The following KYAT1 variants were observed in gnomAD, a reference collection of about 807,000 sequenced individuals.
KYAT1 encodes the protein kynurenine aminotransferase 1.
Under a neutral mutation model 52.4 loss-of-function variants are expected in KYAT1, and 47 were observed. The ratio of observed to expected loss-of-function variants is 0.90; its 90% CI spans 0.71 to 1.14. The LOEUF (loss-of-function observed/expected upper bound fraction) is 1.14, where lower values mean the gene tolerates loss of function less well. Ranked by LOEUF, KYAT1 falls within the 50% of genes most tolerant of loss-of-function variation. The probability of loss-of-function intolerance (pLI) is 0.00; values close to 1 mark genes in which losing one functional copy is unlikely to be tolerated. For synonymous variants in KYAT1, 212 were observed against 209.6 expected, an observed-to-expected ratio of 1.01 and a Z score of -0.10; for missense variants, 480 against 557.9, an observed-to-expected ratio of 0.86 and a Z score of 1.41.
At chr9:128,835,250 CTTGCCTGG>C in intron 11 of KYAT1, 65 bp downstream of exon 11, 1 of 1,298,158 alleles carries the variant, frequency 7.7e-7, no homozygotes, top group Non-Finnish European at 1.1e-6. Context: ...CCAGGAGCCT[CTTGCCTGG>C]GCACCCTTGA....
intron 1 of KYAT1, chr9:128,846,931 A>C (rs1756657555): frequency 8.2e-5 from 107 of 1,309,454 alleles, no homozygotes; most frequent in Non-Finnish European, 9.5e-5. Flanking sequence ...CTGCACTCTC[A>C]CTAGAGGTGC....
intron 2 of KYAT1, 143 bp downstream of exon 2, chr9:128,845,210 C>A: frequency 1.5e-6 from 1 of 646,590 alleles, no homozygotes; most frequent in Non-Finnish European, 2.7e-6. Context: ...TCCCTCGGGC[C>A]CTGTCTCTCC....
At chr9:128,861,504 A>T (rs1265707765) in intron 1 of KYAT1, among the ~76,000 whole-genome samples, 1 of 152,156 alleles carries the variant, frequency 6.6e-6, no homozygotes, top group African/African-American at 2.4e-5. Flanking sequence ...TTTATAAATG[A>T]CCCAGTCTTG....
At chr9:128,834,641 T>C (rs1275512079) in intron 11 of KYAT1, among the ~76,000 whole-genome samples, 1 of 150,428 alleles carries the variant, frequency 6.6e-6, no homozygotes, top group African/African-American at 2.5e-5. Flanking sequence ...CTGACCAACA[T>C]GGTGAAACCC....
At chr9:128,870,683 G>A (rs1156635972) in intron 1 of KYAT1, among the ~76,000 whole-genome samples, 1 of 152,022 alleles carries the variant, frequency 6.6e-6, no homozygotes, top group African/African-American at 2.4e-5. Flanking sequence ...GGACAAAAAA[G>A]GTCACATAGC....
At chr9:128,847,364 C>A in intron 1 of KYAT1, 2 of 1,068,356 alleles carry the variant, frequency 1.9e-6, no homozygotes, top group Non-Finnish European at 1.4e-6. Context: ...GCTTTGAAGC[C>A]AGGAACGAGC....
In KYAT1 at chr9:128,845,343, G is replaced by C; in HGVS notation, c.53+10C>G. On this transcript the variant is annotated intron_variant, in intron 2 of 12. Transcript: ENST00000302586. ...GACACCCACACACCTCCCCAGCCCA[G>C]CTGGCTCACCAGGGGTTGTAGTCGA... 6.2e-7 allele frequency: 1 copy of C among 1,613,206 alleles called. No homozygotes were observed. Among genetic ancestry groups the C allele is most frequent in the Non-Finnish European group, 8.5e-7 (1 of 1,179,594 alleles).
chr9:128,867,171 C>A (rs1279842609), intron 1 of KYAT1, among the ~76,000 whole-genome samples: 2 of 152,074 alleles, frequency 1.3e-5, no homozygotes, highest in East Asian at 3.8e-4. Context: ...CACTTCCTCT[C>A]CTAAAAGTTT....
chr9:128,836,298 CTTTGT>C (rs1831104207), intron 7 of KYAT1, among the ~76,000 whole-genome samples: 1 of 100,542 alleles, frequency 9.9e-6, no homozygotes, highest in East Asian at 3.5e-4. Flanking sequence ...CCATTTCTTT[CTTTGT>C]TTTTTTTTTT....
chr9:128,881,938 C>G lies in KYAT1; in HGVS notation c.-48G>C, dbSNP rs956928667. 5 of 152,350 alleles carry G rather than the reference C, an allele frequency of 3.3e-5. No individual in the cohort carries two copies. Among genetic ancestry groups the G allele is most frequent in the African/African-American group, 1.2e-4 (5 of 41,458 alleles). 9.4% of individuals were successfully genotyped at this position (152,350 alleles called of 1,614,324 possible). A position where few individuals can be genotyped will look rare whatever the true frequency, so the allele number is the denominator to read the frequency against. ...TCACCCCTCGTTCCCAAGTACACCC[C>G]GTAGGTTGCAGCAGTCCCTGTCCCT... On this transcript the variant is annotated 5_prime_UTR_variant, in exon 1 of 13. Coordinates refer to ENST00000302586, the MANE Select transcript of KYAT1 (RefSeq NM_004059.5).
intron 1 of KYAT1, 88 bp from the exon 2 acceptor site, chr9:128,845,499 G>C: frequency 8.0e-7 from 1 of 1,257,312 alleles, no homozygotes. Flanking sequence ...GCTGCTTTCA[G>C]GCCACAGCGC....
intron 1 of KYAT1, among the ~76,000 whole-genome samples, chr9:128,865,330 TATATATATATATATATATATATATA>T (rs1369074628): frequency 0.013 from 33 of 2,462 alleles, 3 homozygotes; most frequent in Admixed American, 0.034. Context: ...TATATATATA[TATATATATATATATATATATATATA>T]TATATTTTTT....
At chr9:128,863,448 C>T (rs954588907) in intron 1 of KYAT1, among the ~76,000 whole-genome samples, 1 of 150,728 alleles carries the variant, frequency 6.6e-6, no homozygotes, top group Non-Finnish European at 1.5e-5. Context: ...GCCTGGGCAA[C>T]ATAACAACAC....
chr9:128,869,686 G>A (rs756904078), intron 1 of KYAT1, among the ~76,000 whole-genome samples: 9 of 151,934 alleles, frequency 5.9e-5, no homozygotes, highest in Non-Finnish European at 7.4e-5. Context: ...CTCCCGTTTC[G>A]GCCTTCCAAA....
At chr9:128,861,415 C>T (rs190261348) in intron 1 of KYAT1, among the ~76,000 whole-genome samples, 4 of 152,286 alleles carry the variant, frequency 2.6e-5, no homozygotes, top group Non-Finnish European at 5.9e-5. Flanking sequence ...AACGTGTTTG[C>T]TTCCCCTTCT....
intron 11 of KYAT1, among the ~76,000 whole-genome samples, chr9:128,834,194 T>G (rs1277651245): frequency 6.6e-6 from 1 of 151,374 alleles, no homozygotes; most frequent in Non-Finnish European, 1.5e-5. Context: ...GGGGTGGAGG[T>G]TGCAGTGAGC....
chr9:128,876,142 G>C (rs980515375), intron 1 of KYAT1, among the ~76,000 whole-genome samples: 11 of 151,668 alleles, frequency 7.3e-5, no homozygotes, highest in Non-Finnish European at 1.6e-4. Flanking sequence ...GTCTCGCTTT[G>C]TCACCTAGGA....
intron 2 of KYAT1, among the ~76,000 whole-genome samples, chr9:128,843,216 A>G (rs991732040): frequency 2.6e-5 from 4 of 152,088 alleles, no homozygotes; most frequent in African/African-American, 9.7e-5. Context: ...ACACACAAGA[A>G]AAACAAAAAC....
chr9:128,870,867 C>T (rs1332270987), intron 1 of KYAT1, among the ~76,000 whole-genome samples: 1 of 147,706 alleles, frequency 6.8e-6, no homozygotes, highest in Non-Finnish European at 1.5e-5. Context: ...AATGTTTGTA[C>T]AACATTGTGA....
Sources: gnomAD v4.1 joint callset for allele counts (sites outside exome capture counted in the v4.1 genomes callset) on GRCh38, gnomAD v4.1.1 for gene constraint, MANE v1.5 for transcripts, NCBI Gene and HGNC (gene_info 2026-07-23, HGNC 2026-07-21) for gene names.